PARP6: variants seen among roughly 807,000 people sequenced by gnomAD.
PARP6 encodes the protein protein mono-ADP-ribosyltransferase PARP6.
Under a neutral mutation model 92.0 loss-of-function variants are expected in PARP6, and 27 were observed. The observed-to-expected ratio is 0.29, with a 90% CI of 0.22 to 0.40. The LOEUF is 0.40. PARP6 is among the 10% of genes least tolerant of loss of function. PARP6 has a pLI of 1.00. For synonymous variants in PARP6, 272 were observed against 281.2 expected (o/e 0.97, Z 0.33); for missense variants, 501 against 784.5 (o/e 0.64, Z 4.32).
Position 72,250,066 on chromosome 15 carries a change from G to A in PARP6, c.1445C>T (p.Ser482Leu). ...FHGSHIENWH[S>L]ILRNGLVNAS... Reference sequence around the variant, plus strand: ...ATTGACCAGCCCATTGCGCAGGATCGAATGCCAGTTCTCAATGTGGGACCC... The same window carrying A: ...ATTGACCAGCCCATTGCGCAGGATCAAATGCCAGTTCTCAATGTGGGACCC... Residue 482 changes from serine to leucine, a missense_variant, in exon 19 of 24, where the codon TCG becomes TTG. Coordinates refer to ENST00000569795, the MANE Select transcript of PARP6 (RefSeq NM_001323532.2). The A allele has an allele frequency of 2.5e-6, 4 of 1,610,880 alleles. No individual in the cohort carries two copies. Among genetic ancestry groups the A allele is most frequent in the Non-Finnish European group, 2.5e-6 (3 of 1,177,050 alleles).
At chr15:72,260,782 C>T (rs1280292849) in intron 9 of PARP6, 94 bp from the exon 10 acceptor site, 14 of 904,354 alleles carry the variant, frequency 1.5e-5, no homozygotes, top group East Asian at 1.4e-4. Context: ...GCCAAAAGTT[C>T]TAAACTAAAG....
At chr15:72,265,570 A>T in intron 5 of PARP6, 97 bp from the exon 6 acceptor site, 1 of 959,096 alleles carries the variant, frequency 1.0e-6, no homozygotes. Flanking sequence ...GGGACAGGGG[A>T]AAGGGAAGAG....
intron 16 of PARP6, among the ~76,000 whole-genome samples, chr15:72,253,174 C>A (rs1171991248): frequency 6.0e-5 from 8 of 134,382 alleles, no homozygotes; most frequent in African/African-American, 1.4e-4. Flanking sequence ...GACCCTATCT[C>A]AAAAAAAAAA....
At chr15:72,256,670 C>T (rs2085180658) in intron 13 of PARP6, 80 bp from the exon 14 acceptor site, 1 of 1,219,240 alleles carries the variant, frequency 8.2e-7, no homozygotes, top group African/African-American at 1.6e-5. Flanking sequence ...GTATTTCTCT[C>T]TGATGTTCTT....
In PARP6 at chr15:72,241,189, A is replaced by G. The variant is rs1282326123; in HGVS notation, c.*266T>C. On this transcript the variant is annotated 3_prime_UTR_variant, in exon 24 of 24. Transcript: ENST00000569795. The surrounding 1 kb of genome is among the most constrained non-coding windows in gnomAD (Gnocchi z 4.1). ...AAACCACAGTGATCATATCCAGTCC[A>G]CAGCACCTTCCATTTTATTGTTTTA... 1.7e-6 allele frequency: 1 copy of G among 576,466 alleles called. No homozygotes were observed. The highest frequency in any genetic ancestry group is 3.9e-5 in the East Asian group (1 of 25,744). The allele number at this position is 576,466 out of a possible 1,614,324, so 35.7% of individuals were successfully genotyped here.
In PARP6 at chr15:72,264,844, G is replaced by T. The variant is rs373103080; in HGVS notation, c.329-223C>A. 4.1e-3 allele frequency among the ~76,000 whole-genome samples: 631 copies of T among 152,294 alleles called. 49 individuals carry two copies. The South Asian group carries it at 0.12, about 30-fold the overall frequency. ...AGGATGTTGAGAAAAGGAGGAGAAA[G>T]AAATTTTATCTTGGAACCAGAGAAA... is the stretch of plus-strand genomic sequence containing the variant. On this transcript the variant is annotated intron_variant, in intron 7 of 23. Coordinates refer to ENST00000569795, the MANE Select transcript of PARP6 (RefSeq NM_001323532.2).
At position 72,241,281 on chromosome 15, in the gene PARP6, G is replaced by A. The variant is rs1327818935; in HGVS notation, c.*174C>T. 1.4e-6 allele frequency: 1 copy of A among 696,636 alleles called. No individual in the cohort carries two copies. The highest frequency in any genetic ancestry group is 2.6e-6 in the Non-Finnish European group (1 of 380,212). 43.2% of individuals were successfully genotyped at this position (696,636 alleles called of 1,614,324 possible). ...AGTCAGTCTGGGCCATCCGAATGTG[G>A]AGTAGTTCTTGGGTCAAGCTCTACC... On this transcript the variant is annotated 3_prime_UTR_variant, in exon 24 of 24. Coordinates refer to ENST00000569795, the MANE Select transcript of PARP6 (RefSeq NM_001323532.2). This position sits in a 1 kb window ranked among gnomAD's most constrained non-coding sequence, Gnocchi z 4.1.
intron 20 of PARP6, among the ~76,000 whole-genome samples, chr15:72,247,162 G>C (rs1031371110): frequency 6.6e-6 from 1 of 152,054 alleles, no homozygotes; most frequent in Non-Finnish European, 1.5e-5. Context: ...GTCTTCTGAA[G>C]AATATAAGTT....
intron 5 of PARP6, 88 bp downstream of exon 5, chr15:72,265,809 T>C (rs2086508165): frequency 1.1e-6 from 1 of 876,056 alleles, no homozygotes; most frequent in Non-Finnish European, 1.9e-6. Context: ...TATCCCACTA[T>C]CATACCATAA....
intron 11 of PARP6, among the ~76,000 whole-genome samples, chr15:72,258,467 T>C (rs1159794154): frequency 2.6e-5 from 4 of 152,210 alleles, no homozygotes; most frequent in Non-Finnish European, 5.9e-5. Context: ...CATAGGGGTA[T>C]TGCAAGAAAT....
At chr15:72,249,926 T>G in intron 19 of PARP6, 94 bp downstream of exon 19, 1 of 798,068 alleles carries the variant, frequency 1.3e-6, no homozygotes, top group Non-Finnish European at 2.2e-6. Context: ...TTGAGGACAC[T>G]GAGGCAAAAA....
At position 72,264,607 on chromosome 15, in the gene PARP6, C is replaced by T. The variant is rs377349612; in HGVS notation, c.343G>A (p.Val115Ile). Residue 115 changes from valine to isoleucine, a missense_variant, in exon 8 of 24, where the codon GTT (valine) becomes ATT (isoleucine). Physicochemically the swap from Val to Ile is conservative, Grantham distance 29. Transcript: ENST00000569795. ...YLDGPEPSIE[V>I]FQPSNKEGFG... The stretch of plus-strand genomic sequence containing the variant: ...CCTTCCTTATTTGATGGCTGGAAAA[C>T]CTCAATGGATGGTTCTGCAAAGAGA... 12 of 1,613,690 alleles carry T rather than the reference C, an allele frequency of 7.4e-6. No homozygotes were observed. The highest frequency in any genetic ancestry group is 2.7e-5 in the African/African-American group (2 of 74,880).
At chr15:72,247,555 GATAAA>G (rs2083774639) in intron 20 of PARP6, among the ~76,000 whole-genome samples, 1 of 152,100 alleles carries the variant, frequency 6.6e-6, no homozygotes, top group South Asian at 2.1e-4. Flanking sequence ...GAAGACTTTA[GATAAA>G]ACTAAAATAA....
Position 72,261,546 on chromosome 15 carries a change from G to A in PARP6, c.545+12C>T. On this transcript the variant is annotated intron_variant, in intron 9 of 23. Coordinates refer to ENST00000569795, the MANE Select transcript of PARP6 (RefSeq NM_001323532.2). ...AGGTGTTTACAGATGATCAGCTTTA[G>A]GGAGCACTTACTTGGGGATGGGTGA... 1 of 1,613,366 alleles carries A rather than the reference G, an allele frequency of 6.2e-7. No individual in the cohort carries two copies. Among genetic ancestry groups the A allele is most frequent in the Non-Finnish European group, 8.5e-7 (1 of 1,179,370 alleles).
chr15:72,250,322 C>T, intron 18 of PARP6: 1 of 460,590 alleles, frequency 2.2e-6, no homozygotes, highest in Non-Finnish European at 4.0e-6. Context: ...TTCAGCTACT[C>T]CCATCCTAAA....
In PARP6 at chr15:72,241,649, C is replaced by A; in HGVS notation, c.1791-92G>T. ...AACTGTATTTCAAGGTATGGCCATC[C>A]CATCCCAGAAGTCAAAGCCCTTTCT... On this transcript the variant is annotated intron_variant, in intron 23 of 23. Coordinates refer to ENST00000569795, the MANE Select transcript of PARP6 (RefSeq NM_001323532.2). The surrounding 1 kb of genome is among the most constrained non-coding windows in gnomAD (Gnocchi z 4.1). The A allele has an allele frequency of 9.8e-7, 1 of 1,022,448 alleles. No individual in the cohort carries two copies. 63.3% of individuals were successfully genotyped at this position (1,022,448 alleles called of 1,614,324 possible).
chr15:72,262,929 T>A (rs2086092598), intron 8 of PARP6, among the ~76,000 whole-genome samples: 1 of 152,222 alleles, frequency 6.6e-6, no homozygotes, highest in African/African-American at 2.4e-5. Context: ...CCTTTGGCAA[T>A]CTCATATTCA....
At chr15:72,270,171 T>A (rs2087198904) in intron 2 of PARP6, among the ~76,000 whole-genome samples, 1 of 152,100 alleles carries the variant, frequency 6.6e-6, no homozygotes, top group South Asian at 2.1e-4. Flanking sequence ...GCCTGATCCT[T>A]CAGAAACAAC....
In PARP6 at chr15:72,267,656, G is replaced by C. The variant is rs1002620426; in HGVS notation, c.-179C>G. Reference sequence around the variant, plus strand: ...GATGGCAGGCTCTGCTGTTGCGGTGGTAACAAGTCACTGTCCTGTGGAAAG... The same window carrying C: ...GATGGCAGGCTCTGCTGTTGCGGTGCTAACAAGTCACTGTCCTGTGGAAAG... On this transcript the variant is annotated 5_prime_UTR_variant, in exon 3 of 24. Transcript: ENST00000569795. The C allele has an allele frequency of 4.7e-6, 3 of 643,782 alleles. No homozygotes were observed. In the Admixed American group the frequency reaches 7.6e-5, roughly 16 times the overall value. 39.9% of individuals were successfully genotyped at this position (643,782 alleles called of 1,614,324 possible). A position where few individuals can be genotyped will look rare whatever the true frequency, so the allele number is the denominator to read the frequency against.
Sources: gnomAD v4.1 joint callset for allele counts (sites outside exome capture counted in the v4.1 genomes callset) on GRCh38, gnomAD v4.1.1 for gene constraint, Gnocchi (gnomAD v3.1) non-coding constraint, MANE v1.5 for transcripts, NCBI Gene and HGNC (gene_info 2026-07-23, HGNC 2026-07-21) for gene names.